SATL1: variants seen among roughly 807,000 people sequenced by gnomAD.
SATL1 encodes the protein spermidine/spermine N(1)-acetyltransferase-like protein 1.
A neutral mutation model predicts 51.8 loss-of-function variants in SATL1; 47 were observed. The observed-to-expected ratio is 0.91, with a 90% CI of 0.72 to 1.16. The LOEUF (loss-of-function observed/expected upper bound fraction) is 1.16. Ranked by LOEUF, SATL1 falls within the 50% of genes most tolerant of loss-of-function variation. SATL1 has a pLI of 0.00. For missense variants in SATL1, 520 were observed against 526.4 expected (o/e 0.99, Z 0.12); for synonymous variants, 176 against 182.4 (o/e 0.97, Z 0.28).
intron 2 of SATL1, among the ~76,000 whole-genome samples, chrX:85,148,387 C>G (rs911766876): frequency 1.8e-5 from 2 of 110,025 alleles, no homozygotes; most frequent in African/African-American, 6.6e-5. Context: ...TTGGAAAACA[C>G]TCTGCAGGAT....
intron 2 of SATL1, among the ~76,000 whole-genome samples, chrX:85,123,829 A>C (rs910959350): frequency 1.8e-5 from 2 of 111,585 alleles, no homozygotes; most frequent in African/African-American, 6.5e-5. Context: ...CTATGATTTC[A>C]TATCAGTCTT....
At chrX:85,148,205 A>G (rs1926313884) in intron 2 of SATL1, among the ~76,000 whole-genome samples, 1 of 111,981 alleles carries the variant, frequency 8.9e-6, no homozygotes, top group South Asian at 3.7e-4. Flanking sequence ...AATGCAATCA[A>G]CTGGAAGAAA....
At chrX:85,149,921 G>T (rs750172410) in intron 2 of SATL1, among the ~76,000 whole-genome samples, 1 of 110,479 alleles carries the variant, frequency 9.1e-6, no homozygotes. Flanking sequence ...AAGCAAGAGC[G>T]AACACATTCA....
chrX:85,102,767 T>C (rs778980443), intron 4 of SATL1, among the ~76,000 whole-genome samples: 2 of 111,659 alleles, frequency 1.8e-5, no homozygotes, highest in South Asian at 7.6e-4. Context: ...TCCAAAATTC[T>C]TGGGACAAGA....
In SATL1 at chrX:85,094,907, T is replaced by G. The variant is rs1924652663; in HGVS notation, c.1774+9A>C. On this transcript the variant is annotated intron_variant, in intron 5 of 7. Coordinates refer to ENST00000644105, the MANE Select transcript of SATL1 (RefSeq NM_001367857.2). ...CCAGATTGAACTGGAGAAGAAAGGT[T>G]TACTCTACCTGATGGTTTTTGTTGA... The G allele has an allele frequency of 1.8e-6, 2 of 1,122,191 alleles. No individual in the cohort carries two copies. The highest frequency in any genetic ancestry group is 2.4e-6 in the Non-Finnish European group (2 of 817,586). The allele number at this position is 1,122,191 out of a possible 1,213,427, so 92.5% of individuals were successfully genotyped here. A position where few individuals can be genotyped will look rare whatever the true frequency, so the allele number is the denominator to read the frequency against.
chrX:85,148,331 A>G (rs1926317874), intron 2 of SATL1, among the ~76,000 whole-genome samples: 1 of 109,821 alleles, frequency 9.1e-6, no homozygotes. Context: ...GACCAAATCT[A>G]CGTCTGAGTG....
intron 2 of SATL1, among the ~76,000 whole-genome samples, chrX:85,158,295 T>G (rs778282100): frequency 8.9e-6 from 1 of 111,845 alleles, no homozygotes; most frequent in African/African-American, 3.2e-5. Context: ...ATTTGCTACC[T>G]CTTCTTCACC....
At chrX:85,117,227 C>A (rs1435746691) in intron 2 of SATL1, 1 of 111,418 alleles carries the variant, frequency 9.0e-6, no homozygotes, top group Non-Finnish European at 1.9e-5. Context: ...ACTTTACTTT[C>A]TTTCATTCTC....
intron 2 of SATL1, among the ~76,000 whole-genome samples, chrX:85,123,026 C>T (rs1036895861): frequency 9.0e-6 from 1 of 111,383 alleles, no homozygotes; most frequent in Non-Finnish European, 1.9e-5. Context: ...TTCTGTGATG[C>T]GTATATATCA....
intron 1 of SATL1, among the ~76,000 whole-genome samples, chrX:85,233,603 A>G (rs905153751): frequency 6.9e-4 from 78 of 112,373 alleles, no homozygotes; most frequent in Admixed American, 8.5e-4. Flanking sequence ...ATAATTAAAA[A>G]GAACGAAGCA....
chrX:85,192,563 A>G (rs1455222701), intron 2 of SATL1, among the ~76,000 whole-genome samples: 1 of 111,094 alleles, frequency 9.0e-6, no homozygotes, highest in African/African-American at 3.3e-5. Flanking sequence ...AAAAACTCAT[A>G]CTTGTTCTTC....
intron 1 of SATL1, among the ~76,000 whole-genome samples, chrX:85,229,902 C>T (rs990754357): frequency 9.0e-6 from 1 of 111,261 alleles, no homozygotes; most frequent in Non-Finnish European, 1.9e-5. Flanking sequence ...CTGAAAACTT[C>T]AAAACACTGA....
In SATL1 at chrX:85,108,507, T is replaced by G. The variant is rs1925158964; in HGVS notation, c.462A>C (p.Arg154Ser). The G allele has an allele frequency of 9.9e-6, 12 of 1,211,288 alleles. No homozygotes were observed. The East Asian group carries it at 3.6e-4, about 36-fold the overall frequency. ...SQSGGSQPSM[R>S]QVGTSQLGTS... is the part of the protein sequence containing the mutation. Reference sequence around the variant, plus strand: ...TGCCTAATTGGCTGGTGCCTACTTGTCTCATGCTTGGTTGGCTCCCACCTG... The same window carrying G: ...TGCCTAATTGGCTGGTGCCTACTTGGCTCATGCTTGGTTGGCTCCCACCTG... Residue 154 changes from arginine (R) to serine (S), a missense_variant, in exon 3 of 8, where the codon AGA becomes AGC. Transcript: ENST00000644105.
At chrX:85,239,179 C>CA (rs1471094222) in intron 1 of SATL1, among the ~76,000 whole-genome samples, 2 of 110,571 alleles carry the variant, frequency 1.8e-5, no homozygotes, top group African/African-American at 3.3e-5. Context: ...AGGATAAACA[C>CA]AAAAAAGTCC....
intron 2 of SATL1, among the ~76,000 whole-genome samples, chrX:85,164,620 A>G (rs1331538661): frequency 9.0e-6 from 1 of 110,905 alleles, no homozygotes; most frequent in Non-Finnish European, 1.9e-5. Context: ...CTAATCTGAT[A>G]GGGTTTTCTT....
chrX:85,151,968 G>T (rs1471133900), intron 2 of SATL1, among the ~76,000 whole-genome samples: 98 of 109,947 alleles, frequency 8.9e-4, no homozygotes, highest in African/African-American at 3.1e-3. Flanking sequence ...TGACAAATGG[G>T]ATCTAATTAA....
intron 1 of SATL1, among the ~76,000 whole-genome samples, chrX:85,229,363 A>G (rs2147764850): frequency 8.9e-6 from 1 of 111,896 alleles, no homozygotes; most frequent in Admixed American, 9.5e-5. Context: ...ACTCTGAGAA[A>G]AGAAAACTGA....
At chrX:85,182,700 C>A (rs1236391296) in intron 2 of SATL1, among the ~76,000 whole-genome samples, 1 of 111,544 alleles carries the variant, frequency 9.0e-6, no homozygotes, top group Non-Finnish European at 1.9e-5. Flanking sequence ...ACATTTCCAC[C>A]AACAGTGTGT....
intron 2 of SATL1, among the ~76,000 whole-genome samples, chrX:85,158,541 A>G (rs1044951446): frequency 8.9e-6 from 1 of 112,180 alleles, no homozygotes; most frequent in Non-Finnish European, 1.9e-5. Flanking sequence ...TTTAAAACAA[A>G]GCTTTTATAG....
Sources: gnomAD v4.1 joint callset for allele counts (sites outside exome capture counted in the v4.1 genomes callset) on GRCh38, gnomAD v4.1.1 for gene constraint, MANE v1.5 for transcripts, NCBI Gene and HGNC (gene_info 2026-07-23, HGNC 2026-07-21) for gene names.